GCSAM: variants seen among roughly 807,000 people sequenced by gnomAD.
The protein encoded by GCSAM is germinal center associated signaling and motility.
In GCSAM, 8 loss-of-function variants were observed where a neutral mutation model predicts 17.6. The observed-to-expected ratio is 0.46, with a 90% CI of 0.27 to 0.82. The LOEUF (loss-of-function observed/expected upper bound fraction) is 0.82. Ranked by LOEUF, GCSAM falls within the 40% of genes least tolerant of loss-of-function variation. The pLI is 0.15. For synonymous variants in GCSAM, 68 were observed against 69.0 expected, an observed-to-expected ratio of 0.98 and a Z score of 0.07; for missense variants, 192 against 213.5, an observed-to-expected ratio of 0.90 and a Z score of 0.63.
rs142548681 is a variant in GCSAM, at chr3:112,133,056, A to G, written c.29+36T>C. 2.7e-3 allele frequency: 4,400 copies of G among 1,605,832 alleles called. 8 individuals are homozygous for G. The highest frequency in any genetic ancestry group is 3.2e-3 in the Non-Finnish European group (3,784 of 1,172,592). On this transcript the variant is annotated intron_variant, in intron 1 of 5. Transcript: ENST00000308910. The stretch of plus-strand genomic sequence containing the variant: ...CTTCCTTGCTGTATTGTCCTGTCCC[A>G]TCTCCTCTGCTCTCCCACAGGGAGT...
chr3:112,132,928 T>C (rs1490389876), intron 1 of GCSAM, 164 bp downstream of exon 1: 1 of 635,990 alleles, frequency 1.6e-6, no homozygotes, highest in Non-Finnish European at 2.6e-6. Context: ...AAATTTAATG[T>C]GGTATCTGGC....
intron 1 of GCSAM, 133 bp downstream of exon 1, chr3:112,132,959 T>C (rs2074492640): frequency 3.4e-6 from 3 of 875,490 alleles, no homozygotes; most frequent in East Asian, 2.5e-5. Flanking sequence ...CACTGAAGGC[T>C]TGGCAGTTTC....
chr3:112,128,365 G>A (rs934531967), intron 2 of GCSAM: 2 of 518,074 alleles, frequency 3.9e-6, no homozygotes, highest in African/African-American at 3.9e-5. Flanking sequence ...ACACGTAAGT[G>A]TTATCCCCAG....
At chr3:112,126,647 G>T (rs1365793042) in intron 4 of GCSAM, among the ~76,000 whole-genome samples, 1 of 152,152 alleles carries the variant, frequency 6.6e-6, no homozygotes, top group Non-Finnish European at 1.5e-5. Context: ...TCTTTAACTT[G>T]GCCAGGAGGC....
Position 112,122,062 on chromosome 3 carries a change from C to T in GCSAM, c.*1393G>A, listed in dbSNP as rs2074211760. Reference sequence around the variant, plus strand: ...CAAGTGGAAGACACAGGTGTGAATACAGAAATAGTAGAATTTGCTAAATTG... The same window carrying T: ...CAAGTGGAAGACACAGGTGTGAATATAGAAATAGTAGAATTTGCTAAATTG... On this transcript the variant is annotated 3_prime_UTR_variant, in exon 6 of 6. Transcript: ENST00000308910. 1 of 152,190 alleles carries T rather than the reference C, an allele frequency of 6.6e-6. No individual in the cohort carries two copies. The highest frequency in any genetic ancestry group is 1.5e-5 in the Non-Finnish European group (1 of 68,032). 9.4% of individuals were successfully genotyped at this position (152,190 alleles called of 1,614,324 possible).
In GCSAM at chr3:112,122,623, CT is replaced by C. The variant is rs1423525626; in HGVS notation, c.*831del. 1.3e-5 allele frequency: 2 copies of C among 152,000 alleles called. No homozygotes were observed. Among genetic ancestry groups the C allele is most frequent in the African/African-American group, 4.8e-5 (2 of 41,370 alleles). The allele number at this position is 152,000 out of a possible 1,614,324, so 9.4% of individuals were successfully genotyped here. On this transcript the variant is annotated 3_prime_UTR_variant, in exon 6 of 6. Coordinates refer to ENST00000308910, the MANE Select transcript of GCSAM (RefSeq NM_152785.5). ...TATACATTTAATATATTGCAGAGGG[CT>C]TTCTATTTAGCATACTGGGGGAGCA...
At chr3:112,130,639 C>A (rs2074431083) in intron 1 of GCSAM, 126 bp from the exon 2 acceptor site, 1 of 822,444 alleles carries the variant, frequency 1.2e-6, no homozygotes, top group African/African-American at 1.7e-5. Context: ...ACTGGTTGCC[C>A]TCACACATGT....
intron 4 of GCSAM, among the ~76,000 whole-genome samples, chr3:112,125,676 G>A (rs2074301295): frequency 1.3e-5 from 2 of 150,100 alleles, no homozygotes. Context: ...TAGCACAGGA[G>A]ACAGACAAGG....
At chr3:112,132,647 G>A in intron 1 of GCSAM, 1 of 986,956 alleles carries the variant, frequency 1.0e-6, no homozygotes, top group African/African-American at 1.7e-5. Flanking sequence ...CTGCTTGCAG[G>A]GAGTGCACAT....
In GCSAM at chr3:112,130,485, A is replaced by G. The variant is rs772055161; in HGVS notation, c.58T>C (p.Trp20Arg). 6.2e-7 allele frequency: 1 copy of G among 1,614,024 alleles called. No homozygotes were observed. Among genetic ancestry groups the G allele is most frequent in the Middle Eastern group, 1.6e-4 (1 of 6,062 alleles). ...TTGGGGCTTTGCATTCTCACATTCC[A>G]AGGCATCTCTTGAGTGTTCTGCTGC... ...RRQQNTQEMPWNVRMQSPKQR... is the reference protein window; with the variant it reads ...RRQQNTQEMPRNVRMQSPKQR... The change falls in exon 2 of 6, where the codon TGG (tryptophan) becomes CGG (arginine). Residue 20 changes from tryptophan (W) to arginine (R), a missense_variant. Transcript: ENST00000308910.
chr3:112,127,941 C>A, intron 3 of GCSAM, 76 bp downstream of exon 3: 2 of 1,262,516 alleles, frequency 1.6e-6, no homozygotes, highest in South Asian at 1.2e-5. Context: ...CACAGACAGT[C>A]ACAGGTAACT....
At chr3:112,128,433 A>G in intron 2 of GCSAM, 1 of 374,164 alleles carries the variant, frequency 2.7e-6, no homozygotes, top group Non-Finnish European at 5.2e-6. Flanking sequence ...GGTATGGGTT[A>G]GGCAATATCA....
chr3:112,126,885 G>T, intron 4 of GCSAM, 102 bp downstream of exon 4: 1 of 822,062 alleles, frequency 1.2e-6, no homozygotes, highest in Non-Finnish European at 2.1e-6. Flanking sequence ...TGTAGATATT[G>T]TAATTGAAAT....
intron 1 of GCSAM, 114 bp downstream of exon 1, chr3:112,132,978 A>T (rs1559989371): frequency 1.7e-5 from 18 of 1,046,730 alleles, no homozygotes; most frequent in Non-Finnish European, 2.4e-5. Flanking sequence ...TCCTTACCCA[A>T]CTACTTTCTA....
At chr3:112,126,615 G>A (rs2074326184) in intron 4 of GCSAM, among the ~76,000 whole-genome samples, 2 of 152,172 alleles carry the variant, frequency 1.3e-5, no homozygotes, top group South Asian at 4.1e-4. Context: ...ATCTCCTGCA[G>A]CTGTCAGGAC....
In GCSAM at chr3:112,123,692, C is replaced by T. The variant is rs34879456; in HGVS notation, c.300G>A (p.Gly100=). 50,095 of 1,614,046 alleles carry T rather than the reference C, an allele frequency of 0.031. 979 individuals are homozygous for T. The highest frequency in any genetic ancestry group is 0.07 in the South Asian group (6,396 of 91,072). Residue 100 remains glycine (G), a synonymous_variant, in exon 6 of 6, where the codon GGG becomes GGA. Transcript: ENST00000308910. ...TCTCATAGTACTCTTCAGCAGAGTT[C>T]CCTGATGGCCTTGTACAGAGAACCC... ...NHRVLCTRPS[G]NSAEEYYENV...
In GCSAM at chr3:112,126,991, G is replaced by A. The variant is rs34566009; in HGVS notation, c.186C>T (p.Asn62=). Residue 62 remains asparagine, a synonymous_variant, in exon 4 of 6, where the codon AAC becomes AAT. Coordinates refer to ENST00000308910, the MANE Select transcript of GCSAM (RefSeq NM_152785.5). ...LIFEKRQDSQ[N]ENERMSSTPI... ...ACTAGGAAATCAATGACTTACTTTC[G>A]TTTTGGGAATCTTGCCTCTTTTCAA... is the stretch of plus-strand genomic sequence containing the variant. 1.5e-3 allele frequency: 2,366 copies of A among 1,583,824 alleles called. 18 individuals carry two copies. The African/African-American group carries it at 0.025, about 16-fold the overall frequency.
chr3:112,127,755 C>T (rs1031298897), intron 3 of GCSAM, among the ~76,000 whole-genome samples: 1 of 152,146 alleles, frequency 6.6e-6, no homozygotes, highest in Non-Finnish European at 1.5e-5. Flanking sequence ...GTGAAAAAAA[C>T]GTATGTTTTC....
At chr3:112,129,320 G>A (rs1446776940) in intron 2 of GCSAM, 1 of 152,200 alleles carries the variant, frequency 6.6e-6, no homozygotes, top group African/African-American at 2.4e-5. Flanking sequence ...AAAAGAGGAT[G>A]TATATACTGC....
Sources: allele counts gnomAD v4.1 joint callset (sites outside exome capture counted in the v4.1 genomes callset), GRCh38; gene constraint gnomAD v4.1.1; transcripts MANE v1.5; gene names NCBI Gene and HGNC (gene_info 2026-07-23, HGNC 2026-07-21).